Variants in SLC7A5 observed in about 807,000 individuals in gnomAD.
SLC7A5 encodes large neutral amino acids transporter small subunit 1.
A neutral mutation model predicts 50.2 loss-of-function variants in SLC7A5; 23 were observed. The ratio of observed to expected loss-of-function variants is 0.46; its 90% CI spans 0.33 to 0.65. SLC7A5 has a LOEUF of 0.65. Ranked by LOEUF, SLC7A5 falls within the 30% of genes least tolerant of loss-of-function variation. SLC7A5 has a pLI of 0.02. For missense variants in SLC7A5, 578 were observed against 684.4 expected, an observed-to-expected ratio of 0.84 and a Z score of 1.73; for synonymous variants, 393 against 330.6, an observed-to-expected ratio of 1.19 and a Z score of -2.05.
At chr16:87,857,286 G>A (rs1279447764) in intron 1 of SLC7A5, among the ~76,000 whole-genome samples, 2 of 151,838 alleles carry the variant, frequency 1.3e-5, no homozygotes, top group African/African-American at 2.4e-5. Context: ...GCAGTGGTAC[G>A]ATCTTGGCTC....
In SLC7A5 at chr16:87,853,675, A is replaced by C. The variant is rs1035432160; in HGVS notation, c.539-1826T>G. The stretch of plus-strand genomic sequence containing the variant: ...TGGTTGGGGGGAGCACGACCATAAA[A>C]GAAACTGAGCCTCGGGGACCTAGCC... On this transcript the variant is annotated intron_variant, in intron 1 of 9. Transcript: ENST00000261622. The surrounding 1 kb of genome is among the most constrained non-coding windows in gnomAD (Gnocchi z 4.4). 1.3e-5 allele frequency among the ~76,000 whole-genome samples: 2 copies of C among 152,196 alleles called. No homozygotes were observed. The highest frequency in any genetic ancestry group is 4.8e-5 in the African/African-American group (2 of 41,444).
chr16:87,848,081 C>T (rs1288071660), intron 2 of SLC7A5, among the ~76,000 whole-genome samples: 3 of 152,218 alleles, frequency 2.0e-5, no homozygotes, highest in African/African-American at 4.8e-5. Context: ...GCAAGAGGCA[C>T]GCCGCCCTGG....
rs2055398513 is a variant in SLC7A5, at chr16:87,861,550, G to A, written c.538+7335C>T. ...GGGATTATCACTGGCTTCAAAGGCT[G>A]GAGTGCAAAGTGGTGGCCAAGAGGT... On this transcript the variant is annotated intron_variant, in intron 1 of 9. Coordinates refer to ENST00000261622, the MANE Select transcript of SLC7A5 (RefSeq NM_003486.7). The surrounding 1 kb of genome is among the most constrained non-coding windows in gnomAD (Gnocchi z 4.2). 1.3e-5 allele frequency among the ~76,000 whole-genome samples: 2 copies of A among 152,188 alleles called. No individual in the cohort carries two copies. Among genetic ancestry groups the A allele is most frequent in the African/African-American group, 2.4e-5 (1 of 41,450 alleles).
chr16:87,861,263 G>A lies in SLC7A5; in HGVS notation c.538+7622C>T, dbSNP rs1444558651. 6.6e-6 allele frequency among the ~76,000 whole-genome samples: 1 copy of A among 152,178 alleles called. No individual in the cohort carries two copies. The highest frequency in any genetic ancestry group is 1.5e-5 in the Non-Finnish European group (1 of 68,014). The stretch of plus-strand genomic sequence containing the variant: ...GTGAGTCTGGGAAGGATGGAGAAGG[G>A]TGGAGGAGCGCAAAGGGCCCCTAGG... On this transcript the variant is annotated intron_variant, in intron 1 of 9. Transcript: ENST00000261622. This position sits in a 1 kb window ranked among gnomAD's most constrained non-coding sequence, Gnocchi z 4.2.
chr16:87,854,678 G>A (rs1328519229), intron 1 of SLC7A5, among the ~76,000 whole-genome samples: 2 of 152,278 alleles, frequency 1.3e-5, no homozygotes, highest in African/African-American at 4.8e-5. Flanking sequence ...GGGACAGCTG[G>A]GCCAGGAGAT....
intron 1 of SLC7A5, among the ~76,000 whole-genome samples, chr16:87,858,492 C>T (rs1013549095): frequency 7.2e-5 from 11 of 152,170 alleles, no homozygotes; most frequent in African/African-American, 2.7e-4. Flanking sequence ...TGAAAACCCG[C>T]TCCAGTCACG....
intron 6 of SLC7A5, among the ~76,000 whole-genome samples, chr16:87,838,237 G>A (rs930422693): frequency 1.3e-5 from 2 of 152,100 alleles, no homozygotes; most frequent in African/African-American, 2.4e-5. Flanking sequence ...GTGGGGAGGC[G>A]AGGGCCAAAG....
rs2055239009 is a variant in SLC7A5, at chr16:87,852,308, C to T, written c.539-459G>A. Among the ~76,000 whole-genome samples the T allele has an allele frequency of 6.6e-6, 1 of 152,212 alleles. No homozygotes were observed. The highest frequency in any genetic ancestry group is 1.5e-5 in the Non-Finnish European group (1 of 68,036). On this transcript the variant is annotated intron_variant, in intron 1 of 9. Transcript: ENST00000261622. The surrounding 1 kb of genome is among the most constrained non-coding windows in gnomAD (Gnocchi z 4.5). ...TGCCGGACTCCATGAGGGCGGGGCC[C>T]TTTCCTCAAAGAGGATCTTCTGTGG...
intron 3 of SLC7A5, 70 bp from the exon 4 acceptor site, chr16:87,840,543 C>G: frequency 1.5e-6 from 2 of 1,328,192 alleles, no homozygotes; most frequent in South Asian, 2.3e-5. Context: ...GGGGAGAGAG[C>G]ATCCCAGGGC....
Position 87,832,131 on chromosome 16 carries a change from T to C in SLC7A5, c.*839A>G, listed in dbSNP as rs1475791946. ...CTGGCCGCGGTGTGTCTGCCTTTCTTGTCTCTGTTTCTAGAAGACTGAAGG... is the reference window on the plus strand; with the variant it reads ...CTGGCCGCGGTGTGTCTGCCTTTCTCGTCTCTGTTTCTAGAAGACTGAAGG... On this transcript the variant is annotated 3_prime_UTR_variant, in exon 10 of 10. Transcript: ENST00000261622. The surrounding 1 kb of genome is among the most constrained non-coding windows in gnomAD (Gnocchi z 4.6). 6.6e-6 allele frequency: 1 copy of C among 152,302 alleles called. No individual in the cohort carries two copies. Among genetic ancestry groups the C allele is most frequent in the African/African-American group, 2.4e-5 (1 of 41,462 alleles). 9.4% of individuals were successfully genotyped at this position (152,302 alleles called of 1,614,324 possible). A position where few individuals can be genotyped will look rare whatever the true frequency, so the allele number is the denominator to read the frequency against.
rs1196041901 is a variant in SLC7A5 at position 87,834,424 on chromosome 16, G to A, written c.1458C>T (p.Leu486=). 1.3e-6 allele frequency: 2 copies of A among 1,554,570 alleles called. No individual in the cohort carries two copies. The highest frequency in any genetic ancestry group is 1.7e-6 in the Non-Finnish European group (2 of 1,148,614). ...VWWKNKPKWL[L]QGIFSTTVLC... ...CAGCGAGATACTCACAGATGCCCTG[G>A]AGGAGCCACTTGGGCTTGTTTTTCC... The change falls in exon 9 of 10, where the codon CTC becomes CTT. Residue 486 remains leucine (L), a synonymous_variant. Coordinates refer to ENST00000261622, the MANE Select transcript of SLC7A5 (RefSeq NM_003486.7).
At position 87,841,358 on chromosome 16, in the gene SLC7A5, C is replaced by T. The variant is rs1045454325; in HGVS notation, c.665-203G>A. Among the ~76,000 whole-genome samples, 3 of 152,136 alleles carry T rather than the reference C, an allele frequency of 2.0e-5. No homozygotes were observed. The highest frequency in any genetic ancestry group is 2.9e-5 in the Non-Finnish European group (2 of 68,002). On this transcript the variant is annotated intron_variant, in intron 2 of 9. Coordinates refer to ENST00000261622, the MANE Select transcript of SLC7A5 (RefSeq NM_003486.7). The surrounding 1 kb of genome is among the most constrained non-coding windows in gnomAD (Gnocchi z 4.8). ...CCACAACCAGGGGGATGTGGCCCTGCCAGAGGCCCTGTGCCCACCTGAGAG... is the reference window on the plus strand; with the variant it reads ...CCACAACCAGGGGGATGTGGCCCTGTCAGAGGCCCTGTGCCCACCTGAGAG...
chr16:87,851,859 C>T lies in SLC7A5; in HGVS notation c.539-10G>A, dbSNP rs188874271. 1.7e-5 allele frequency: 28 copies of T among 1,612,744 alleles called. No individual in the cohort carries two copies. The African/African-American group carries it at 3.2e-4, about 18-fold the overall frequency. ...ACGGCCGTGAGCAGCACTGTGGAGA[C>T]AGAGGGCAGCGGTGAGTTCCACGGG... On this transcript the variant is annotated splice_polypyrimidine_tract_variant and intron_variant, in intron 1 of 9. Coordinates refer to ENST00000261622, the MANE Select transcript of SLC7A5 (RefSeq NM_003486.7).
intron 2 of SLC7A5, 31 bp downstream of exon 2, chr16:87,851,693 G>T (rs1390892326): frequency 6.2e-7 from 1 of 1,603,810 alleles, no homozygotes; most frequent in Non-Finnish European, 8.5e-7. Context: ...GCCTCGAGGG[G>T]CCGCCGGTGG....
At chr16:87,864,128 C>T (rs1476807321) in intron 1 of SLC7A5, among the ~76,000 whole-genome samples, 1 of 150,146 alleles carries the variant, frequency 6.7e-6, no homozygotes, top group Admixed American at 6.7e-5. Flanking sequence ...CCTGTCTCTA[C>T]TAAAAAATAC....
chr16:87,835,752 G>A (rs1284357393), intron 8 of SLC7A5, among the ~76,000 whole-genome samples: 3 of 152,212 alleles, frequency 2.0e-5, no homozygotes, highest in Admixed American at 6.5e-5. Context: ...GGGATTACAG[G>A]CGTGAGCCAC....
At chr16:87,863,990 T>TATATATAA (rs2055430427) in intron 1 of SLC7A5, among the ~76,000 whole-genome samples, 1 of 124,628 alleles carries the variant, frequency 8.0e-6, no homozygotes, top group African/African-American at 3.0e-5. Flanking sequence ...TTTAAAAATA[T>TATATATAA]ATATATATAT....
intron 2 of SLC7A5, 72 bp downstream of exon 2, chr16:87,851,652 C>A (rs1597506510): frequency 6.4e-7 from 1 of 1,572,292 alleles, no homozygotes; most frequent in East Asian, 2.3e-5. Flanking sequence ...GGGGACGGGA[C>A]CTCATGCCCT....
At position 87,852,309 on chromosome 16, in the gene SLC7A5, T is replaced by C. The variant is rs1367505103; in HGVS notation, c.539-460A>G. On this transcript the variant is annotated intron_variant, in intron 1 of 9. Coordinates refer to ENST00000261622, the MANE Select transcript of SLC7A5 (RefSeq NM_003486.7). This position sits in a 1 kb window ranked among gnomAD's most constrained non-coding sequence, Gnocchi z 4.5. ...GCCGGACTCCATGAGGGCGGGGCCC[T>C]TTCCTCAAAGAGGATCTTCTGTGGA... is the stretch of plus-strand genomic sequence containing the variant. 2.0e-5 allele frequency among the ~76,000 whole-genome samples: 3 copies of C among 152,184 alleles called. No homozygotes were observed. Among genetic ancestry groups the C allele is most frequent in the African/African-American group, 2.4e-5 (1 of 41,440 alleles).
Sources: gnomAD v4.1 joint callset for allele counts (sites outside exome capture counted in the v4.1 genomes callset) on GRCh38, gnomAD v4.1.1 for gene constraint, Gnocchi (gnomAD v3.1) non-coding constraint, MANE v1.5 for transcripts, NCBI Gene and HGNC (gene_info 2026-07-23, HGNC 2026-07-21) for gene names.